Variants in TMX3 observed in about 807,000 individuals in gnomAD.
TMX3 encodes the protein thioredoxin related transmembrane protein 3.
TMX3 carries 40 observed loss-of-function variants against 64.4 expected under a neutral mutation model. The ratio of observed to expected loss-of-function variants is 0.62; its 90% confidence interval spans 0.48 to 0.81. The LOEUF (loss-of-function observed/expected upper bound fraction) is 0.81, where lower values mean the gene tolerates loss of function less well. TMX3 is among the 30% of genes least tolerant of loss of function. The pLI, the probability that TMX3 is intolerant of heterozygous loss-of-function variation, is 0.00. For missense variants in TMX3, 497 were observed against 534.5 expected (o/e 0.93, Z 0.69); for synonymous variants, 189 against 175.7 (o/e 1.08, Z -0.60).
chr18:68,714,764 C>A (rs1026922842), intron 1 of TMX3, among the ~76,000 whole-genome samples, 172 bp downstream of exon 1: 9 of 152,240 alleles, frequency 5.9e-5, no homozygotes, highest in Admixed American at 2.0e-4. Flanking sequence ...GGTGTCCGCT[C>A]CGTCAGGGCC....
intron 8 of TMX3, among the ~76,000 whole-genome samples, chr18:68,695,083 T>C (rs1914926197): frequency 6.8e-6 from 1 of 146,976 alleles, no homozygotes; most frequent in Admixed American, 6.7e-5. Context: ...ACTATACTTG[T>C]GGTCTCCACT....
chr18:68,701,142 GA>G, intron 5 of TMX3: 1 of 494,346 alleles, frequency 2.0e-6, no homozygotes, highest in Non-Finnish European at 2.6e-6. Context: ...AAAAGTGGGG[GA>G]AGGAAAAAGG....
intron 6 of TMX3, among the ~76,000 whole-genome samples, chr18:68,699,830 A>G (rs1915492524): frequency 6.6e-6 from 1 of 152,102 alleles, no homozygotes; most frequent in East Asian, 1.9e-4. Flanking sequence ...TATCAGTAAA[A>G]CCTTAGGGAT....
intron 4 of TMX3, among the ~76,000 whole-genome samples, chr18:68,707,869 C>T (rs2030829309): frequency 6.6e-6 from 1 of 151,720 alleles, no homozygotes; most frequent in Non-Finnish European, 1.5e-5. Flanking sequence ...CATGAATAAG[C>T]GCATCTATGA....
intron 10 of TMX3, among the ~76,000 whole-genome samples, chr18:68,685,643 C>A (rs1913875707): frequency 6.6e-6 from 1 of 152,054 alleles, no homozygotes; most frequent in Non-Finnish European, 1.5e-5. Flanking sequence ...AATAATGTAC[C>A]ACACACTGGG....
At chr18:68,702,507 G>C (rs561263807) in intron 4 of TMX3, among the ~76,000 whole-genome samples, 5 of 152,208 alleles carry the variant, frequency 3.3e-5, no homozygotes, top group African/African-American at 1.2e-4. Context: ...TTAAACAGTA[G>C]AGAAATCATA....
chr18:68,715,077 A>T lies in TMX3; in HGVS notation c.-96T>A. 6.5e-7 allele frequency: 1 copy of T among 1,540,950 alleles called. No individual in the cohort carries two copies. Among genetic ancestry groups the T allele is most frequent in the Non-Finnish European group, 8.8e-7 (1 of 1,141,742 alleles). ...CCGCCCGGAAAGGGAAACGGAGCCG[A>T]CCCGGAGCGGAAGAGAAGCACCGCG... On this transcript the variant is annotated 5_prime_UTR_variant, in exon 1 of 16. Transcript: ENST00000299608.
chr18:68,694,888 A>G (rs1914905410), intron 8 of TMX3, among the ~76,000 whole-genome samples: 1 of 152,214 alleles, frequency 6.6e-6, no homozygotes. Flanking sequence ...TTTAAACATT[A>G]AATCATGTAA....
intron 10 of TMX3, chr18:68,686,816 T>C: frequency 1.0e-6 from 1 of 984,680 alleles, no homozygotes; most frequent in Non-Finnish European, 1.2e-6. Context: ...AAGGCAGAAA[T>C]ATCACTAGAC....
At chr18:68,685,550 G>C (rs929427407) in intron 10 of TMX3, among the ~76,000 whole-genome samples, 1 of 152,082 alleles carries the variant, frequency 6.6e-6, no homozygotes. Context: ...AACATGCAGA[G>C]CATTCTCCCA....
At chr18:68,693,590 G>A (rs947602920) in intron 8 of TMX3, among the ~76,000 whole-genome samples, 2 of 152,166 alleles carry the variant, frequency 1.3e-5, no homozygotes, top group African/African-American at 4.8e-5. Context: ...CGGCGCTGAC[G>A]TGCCAGCTCC....
chr18:68,713,920 T>G lies in TMX3; in HGVS notation c.47-20A>C. The G allele has an allele frequency of 6.5e-7, 1 of 1,530,474 alleles. No individual in the cohort carries two copies. The allele number at this position is 1,530,474 out of a possible 1,614,324, so 94.8% of individuals were successfully genotyped here. On this transcript the variant is annotated intron_variant, in intron 1 of 15. Transcript: ENST00000299608. The stretch of plus-strand genomic sequence containing the variant: ...CAACAACTGAAAAAAAAAGACAAAA[T>G]GTACACAATAAATGCTGATTATTTG...
At chr18:68,677,965 C>A (rs383181) in intron 15 of TMX3, among the ~76,000 whole-genome samples, 14 of 151,976 alleles carry the variant, frequency 9.2e-5, no homozygotes, top group African/African-American at 3.1e-4. Context: ...CAAAAACCAA[C>A]GAGGAAAATA....
At chr18:68,698,100 A>G in intron 6 of TMX3, 69 bp from the exon 7 acceptor site, 2 of 959,342 alleles carry the variant, frequency 2.1e-6, no homozygotes, top group Admixed American at 2.1e-5. Context: ...TATTTATACT[A>G]TAACTAATCA....
intron 3 of TMX3, among the ~76,000 whole-genome samples, chr18:68,710,884 A>C (rs1725145095): frequency 1.3e-5 from 2 of 152,148 alleles, no homozygotes; most frequent in African/African-American, 4.8e-5. Context: ...CTTTTTGCTG[A>C]GGCATGTTAA....
In TMX3 at chr18:68,709,638, C is replaced by T. The variant is rs537278278; in HGVS notation, c.265+383G>A. Among the ~76,000 whole-genome samples the T allele has an allele frequency of 2.0e-5, 3 of 152,232 alleles. No individual in the cohort carries two copies. In the East Asian group the frequency reaches 5.8e-4, roughly 29 times the overall value. ...GCTTCCTGATCCTCACTTGTACTCA[C>T]CCTAACTCAATTCGTCCTTTAAGTT... On this transcript the variant is annotated intron_variant, in intron 4 of 15. Transcript: ENST00000299608.
chr18:68,714,991 G>C lies in TMX3; in HGVS notation c.-10C>G. 6.4e-7 allele frequency: 1 copy of C among 1,568,450 alleles called. No individual in the cohort carries two copies. Among genetic ancestry groups the C allele is most frequent in the South Asian group, 1.2e-5 (1 of 85,176 alleles). Reference sequence around the variant, plus strand: ...TCTTCCACGCTGCCATGCTAGCCCGGGAGAGCTGCAGAAGCTGACTGTGCA... The same window carrying C: ...TCTTCCACGCTGCCATGCTAGCCCGCGAGAGCTGCAGAAGCTGACTGTGCA... On this transcript the variant is annotated 5_prime_UTR_variant, in exon 1 of 16. Coordinates refer to ENST00000299608, the MANE Select transcript of TMX3 (RefSeq NM_019022.5).
rs2031262813 is a variant in TMX3, at chr18:68,711,423, A to T, written c.102-20T>A. 1 of 1,562,068 alleles carries T rather than the reference A, an allele frequency of 6.4e-7. No homozygotes were observed. ...TTAAACCTAAAAAACAAGAAAACAA[A>T]TGTTTGATTGTATGTTTGTGTCCAC... On this transcript the variant is annotated intron_variant, in intron 2 of 15. Transcript: ENST00000299608.
At chr18:68,702,597 A>ATATT (rs1222270078) in intron 4 of TMX3, among the ~76,000 whole-genome samples, 2 of 152,212 alleles carry the variant, frequency 1.3e-5, no homozygotes, top group African/African-American at 4.8e-5. Flanking sequence ...CTCAGTTAAC[A>ATATT]CACGTTATAC....
Sources: gnomAD v4.1 joint callset for allele counts (sites outside exome capture counted in the v4.1 genomes callset) on GRCh38, gnomAD v4.1.1 for gene constraint, MANE v1.5 for transcripts, NCBI Gene and HGNC (gene_info 2026-07-23, HGNC 2026-07-21) for gene names.